The following ADAMTS2 variants were observed in gnomAD, a reference collection of about 807,000 sequenced individuals.
ADAMTS2 encodes the protein ADAM metallopeptidase with thrombospondin type 1 motif 2.
In ADAMTS2, 50 loss-of-function variants were observed where a neutral mutation model predicts 123.0. That is an observed-to-expected ratio of 0.41 (90% CI 0.32 to 0.51). ADAMTS2 has a LOEUF of 0.51. Ranked by LOEUF, ADAMTS2 falls within the 20% of genes least tolerant of loss-of-function variation. ADAMTS2 has a pLI of 0.35. For synonymous variants in ADAMTS2, 678 were observed against 695.4 expected (o/e 0.98, Z 0.39); for missense variants, 1,494 against 1,705.2 (o/e 0.88, Z 2.18).
At chr5:179,337,946 C>T (rs886357999) in intron 2 of ADAMTS2, among the ~76,000 whole-genome samples, 2 of 151,716 alleles carry the variant, frequency 1.3e-5, no homozygotes, top group Non-Finnish European at 2.9e-5. Flanking sequence ...TGGCCTTCAC[C>T]TCCCAGCTGA....
At chr5:179,283,427 A>G (rs1362543175) in intron 2 of ADAMTS2, among the ~76,000 whole-genome samples, 1 of 151,990 alleles carries the variant, frequency 6.6e-6, no homozygotes, top group Non-Finnish European at 1.5e-5. Context: ...TTCTAAAATC[A>G]GTAGATACAA....
chr5:179,274,358 A>G (rs1192338940), intron 2 of ADAMTS2, among the ~76,000 whole-genome samples: 1 of 152,176 alleles, frequency 6.6e-6, no homozygotes, highest in Non-Finnish European at 1.5e-5. Context: ...CTTAAGAAAC[A>G]GGAGAGTTCA....
chr5:179,276,854 G>T (rs952964155), intron 2 of ADAMTS2, among the ~76,000 whole-genome samples: 1 of 152,176 alleles, frequency 6.6e-6, no homozygotes, highest in Non-Finnish European at 1.5e-5. Flanking sequence ...GATGCCACAG[G>T]CCTGAGGCCC....
rs1762560270 is a variant in ADAMTS2 at position 179,111,082 on chromosome 5, CAA to C, written c.*2783_*2784del. The C allele has an allele frequency of 6.6e-6, 1 of 152,042 alleles. No individual in the cohort carries two copies. Among genetic ancestry groups the C allele is most frequent in the Non-Finnish European group, 1.5e-5 (1 of 68,014 alleles). The allele number at this position is 152,042 out of a possible 1,614,324, so 9.4% of individuals were successfully genotyped here. ...TGCTATTGAGCACCATGTATATACT[CAA>C]AACAAACAGAAAAACCTTAAAATAC... On this transcript the variant is annotated 3_prime_UTR_variant, in exon 22 of 22. Coordinates refer to ENST00000251582, the MANE Select transcript of ADAMTS2 (RefSeq NM_014244.5).
chr5:179,329,326 CA>C (rs79153534), intron 2 of ADAMTS2, among the ~76,000 whole-genome samples: 29,581 of 85,410 alleles, frequency 0.35, 2,862 homozygotes, highest in African/African-American at 0.46. Flanking sequence ...GACTCCGTCT[CA>C]AAAAAAAAAA....
chr5:179,143,307 C>T (rs1002245510), intron 10 of ADAMTS2, among the ~76,000 whole-genome samples: 1 of 151,962 alleles, frequency 6.6e-6, no homozygotes, highest in African/African-American at 2.4e-5. Context: ...GGTGGTACAA[C>T]CTGTGATTCC....
chr5:179,286,042 T>C (rs761567193), intron 2 of ADAMTS2, among the ~76,000 whole-genome samples: 12 of 151,940 alleles, frequency 7.9e-5, no homozygotes, highest in Middle Eastern at 3.2e-3. Flanking sequence ...GGTGAAACCC[T>C]GTCTCTACCA....
In ADAMTS2 at chr5:179,273,177, C is replaced by T; in HGVS notation, c.535-113G>A. ...TCCCACCTGAAGACCCTGCCCAGCA[C>T]CCCAGCTGGTGCTCAGCTTGAACCC... On this transcript the variant is annotated intron_variant, in intron 2 of 21. Transcript: ENST00000251582. The T allele has an allele frequency of 2.7e-6, 4 of 1,496,964 alleles. No individual in the cohort carries two copies. In the African/African-American group the frequency reaches 4.1e-5, roughly 15 times the overall value. 92.7% of individuals were successfully genotyped at this position (1,496,964 alleles called of 1,614,324 possible). A position where few individuals can be genotyped will look rare whatever the true frequency, so the allele number is the denominator to read the frequency against.
chr5:179,285,308 A>C lies in ADAMTS2; in HGVS notation c.535-12244T>G, dbSNP rs1035760143. On this transcript the variant is annotated intron_variant, in intron 2 of 21. Transcript: ENST00000251582. The surrounding 1 kb of genome is among the most constrained non-coding windows in gnomAD (Gnocchi z 4.9). ...AGAGACGGAAAGGGGGAGAGCACAG[A>C]GAGAAAGATAAGGGGGAAAATGGAA... Among the ~76,000 whole-genome samples, 1 of 152,246 alleles carries C rather than the reference A, an allele frequency of 6.6e-6. No individual in the cohort carries two copies. Among genetic ancestry groups the C allele is most frequent in the Non-Finnish European group, 1.5e-5 (1 of 68,038 alleles).
intron 5 of ADAMTS2, among the ~76,000 whole-genome samples, chr5:179,172,918 T>G (rs148017407): frequency 6.6e-6 from 1 of 151,966 alleles, no homozygotes; most frequent in Non-Finnish European, 1.5e-5. Context: ...AAAAGAAACA[T>G]GCTGGTCCAG....
At chr5:179,275,506 G>A (rs1240685325) in intron 2 of ADAMTS2, among the ~76,000 whole-genome samples, 2 of 152,212 alleles carry the variant, frequency 1.3e-5, no homozygotes, top group Non-Finnish European at 1.5e-5. Flanking sequence ...GTCAGCTCTG[G>A]GGCTGGCTGG....
chr5:179,246,796 T>G lies in ADAMTS2; in HGVS notation c.688+26115A>C, dbSNP rs541126155. ...CTCTGTCAAATCACTAGCTGACCAC[T>G]AAGCTAACAAAACAGAGACTTTGGT... On this transcript the variant is annotated intron_variant, in intron 3 of 21. Transcript: ENST00000251582. Among the ~76,000 whole-genome samples, 9 of 152,312 alleles carry G rather than the reference T, an allele frequency of 5.9e-5. No homozygotes were observed. The South Asian group carries it at 1.9e-3, about 32-fold the overall frequency.
intron 3 of ADAMTS2, among the ~76,000 whole-genome samples, chr5:179,239,059 A>G (rs975760161): frequency 6.6e-6 from 1 of 152,152 alleles, no homozygotes; most frequent in Non-Finnish European, 1.5e-5. Flanking sequence ...AAACCATTGA[A>G]TCGTACACTT....
At chr5:179,174,346 TG>T (rs1381795663) in intron 5 of ADAMTS2, among the ~76,000 whole-genome samples, 2 of 152,226 alleles carry the variant, frequency 1.3e-5, no homozygotes, top group African/African-American at 2.4e-5. Flanking sequence ...ATGTTTTTCC[TG>T]CTTGTCATTT....
chr5:179,126,257 T>A (rs1762856216), intron 17 of ADAMTS2, 127 bp from the exon 18 acceptor site: 1 of 1,379,000 alleles, frequency 7.3e-7, no homozygotes, highest in Non-Finnish European at 1.0e-6. Context: ...ACAATAAGGG[T>A]GGGCAGGGCA....
rs114772065 is a variant in ADAMTS2, at chr5:179,280,075, G to A, written c.535-7011C>T. ...CTTCCAGGGTTCTGCTGAGCACAGT[G>A]ACCACAACAGAGTTGCCTCTGAGCT... is the stretch of plus-strand genomic sequence containing the variant. On this transcript the variant is annotated intron_variant, in intron 2 of 21. Coordinates refer to ENST00000251582, the MANE Select transcript of ADAMTS2 (RefSeq NM_014244.5). Among the ~76,000 whole-genome samples, 1,108 of 152,318 alleles carry A rather than the reference G, an allele frequency of 7.3e-3. 9 individuals carry two copies. The highest frequency in any genetic ancestry group is 0.026 in the African/African-American group (1,063 of 41,578).
At chr5:179,295,066 C>T (rs1362034179) in intron 2 of ADAMTS2, among the ~76,000 whole-genome samples, 1 of 152,262 alleles carries the variant, frequency 6.6e-6, no homozygotes, top group African/African-American at 2.4e-5. Flanking sequence ...CTTGAGCACC[C>T]TACTGGAGGC....
At chr5:179,310,493 G>T (rs535536817) in intron 2 of ADAMTS2, among the ~76,000 whole-genome samples, 2 of 152,318 alleles carry the variant, frequency 1.3e-5, no homozygotes, top group Admixed American at 1.3e-4. Context: ...CAGGAACAAG[G>T]AGAGGTTCAA....
chr5:179,214,789 A>G (rs1347580382), intron 3 of ADAMTS2, among the ~76,000 whole-genome samples: 1 of 152,252 alleles, frequency 6.6e-6, no homozygotes, highest in African/African-American at 2.4e-5. Context: ...AAATGAATCA[A>G]GAAATTTGGC....
Sources: gnomAD v4.1 joint callset for allele counts (sites outside exome capture counted in the v4.1 genomes callset) on GRCh38, gnomAD v4.1.1 for gene constraint, Gnocchi (gnomAD v3.1) non-coding constraint, MANE v1.5 for transcripts, NCBI Gene and HGNC (gene_info 2026-07-23, HGNC 2026-07-21) for gene names.